LEKR1: variants seen among roughly 807,000 people sequenced by gnomAD.
The protein encoded by LEKR1 is leucine, glutamate and lysine rich 1.
LEKR1 carries 59 observed loss-of-function variants against 72.4 expected under a neutral mutation model. That is an observed-to-expected ratio of 0.82 (90% CI 0.66 to 1.01). The LOEUF is 1.01. LEKR1 is among the 50% of genes least tolerant of loss of function. The pLI is 0.00. For missense variants in LEKR1, 728 were observed against 759.2 expected (o/e 0.96, Z 0.48); for synonymous variants, 257 against 263.2 (o/e 0.98, Z 0.23).
chr3:156,833,322 C>T (rs1712680170), intron 2 of LEKR1, among the ~76,000 whole-genome samples: 1 of 152,102 alleles, frequency 6.6e-6, no homozygotes, highest in Non-Finnish European at 1.5e-5. Context: ...CATTCAAGAG[C>T]ACCTGTTAGA....
intron 5 of LEKR1, among the ~76,000 whole-genome samples, chr3:156,936,426 A>AACACACACACACACACAC (rs561039357): frequency 1.3e-5 from 1 of 76,936 alleles, no homozygotes; most frequent in African/African-American, 9.3e-5. Flanking sequence ...GTACAATGAG[A>AACACACACACACACACAC]ACACACACAC....
At chr3:156,981,914 C>T (rs930870127) in intron 7 of LEKR1, among the ~76,000 whole-genome samples, 1 of 152,180 alleles carries the variant, frequency 6.6e-6, no homozygotes, top group African/African-American at 2.4e-5. Context: ...AGGTTTCTTC[C>T]ATTTTTAATC....
At chr3:157,036,512 T>G (rs1195591549) in intron 12 of LEKR1, among the ~76,000 whole-genome samples, 2 of 152,174 alleles carry the variant, frequency 1.3e-5, no homozygotes, top group Non-Finnish European at 2.9e-5. Context: ...CGCAGATATT[T>G]TCAGACTTAA....
chr3:157,029,200 C>T (rs1358447338), intron 12 of LEKR1, among the ~76,000 whole-genome samples: 1 of 152,016 alleles, frequency 6.6e-6, no homozygotes, highest in African/African-American at 2.4e-5. Context: ...ATTAAATATG[C>T]CATGGTCTTG....
intron 2 of LEKR1, among the ~76,000 whole-genome samples, chr3:156,838,705 C>T (rs1013284657): frequency 6.6e-6 from 1 of 152,218 alleles, no homozygotes; most frequent in Non-Finnish European, 1.5e-5. Context: ...TGGGCAAGGA[C>T]AGCACCAGAC....
rs1321070823 is a variant in LEKR1 at position 157,024,780 on chromosome 3, G to A, written c.1224G>A (p.Lys408=). The change falls in exon 11 of 13, where the codon AAG becomes AAA. Residue 408 remains lysine, a synonymous_variant. Transcript: ENST00000356539. ...TCTAGATTGAAGCAGAACTTGCCAA[G>A]GAAAGGGCCCAACACTTGGTTGAAT... ...WKEKIEAELA[K]ERAQHLVEFE... 2.5e-6 allele frequency: 4 copies of A among 1,606,532 alleles called. No individual in the cohort carries two copies. Among genetic ancestry groups the A allele is most frequent in the Admixed American group, 1.7e-5 (1 of 58,134 alleles).
chr3:156,889,732 TC>T (rs1401613373), intron 3 of LEKR1, among the ~76,000 whole-genome samples: 1 of 152,256 alleles, frequency 6.6e-6, no homozygotes, highest in Non-Finnish European at 1.5e-5. Flanking sequence ...AACTTCTTTT[TC>T]TTGGTAATGT....
chr3:156,960,227 T>C (rs1370555761), intron 6 of LEKR1, among the ~76,000 whole-genome samples: 1 of 152,230 alleles, frequency 6.6e-6, no homozygotes, highest in Non-Finnish European at 1.5e-5. Context: ...CTTGTTTCCT[T>C]GTAAATCACC....
intron 2 of LEKR1, among the ~76,000 whole-genome samples, chr3:156,845,683 C>T (rs1393962806): frequency 2.0e-5 from 3 of 152,062 alleles, no homozygotes; most frequent in African/African-American, 7.2e-5. Flanking sequence ...TTCCATTGAT[C>T]TATGTGTCCT....
chr3:157,032,518 T>C (rs1734689474), intron 12 of LEKR1, among the ~76,000 whole-genome samples: 1 of 152,114 alleles, frequency 6.6e-6, no homozygotes, highest in South Asian at 2.1e-4. Flanking sequence ...AGTCAATTAA[T>C]AAAAAGTGAA....
chr3:156,915,743 G>A (rs1248894997), intron 3 of LEKR1, among the ~76,000 whole-genome samples: 3 of 151,994 alleles, frequency 2.0e-5, no homozygotes, highest in Non-Finnish European at 4.4e-5. Flanking sequence ...TTCTTTTGGT[G>A]TGCAGAAGCT....
chr3:156,898,619 C>T (rs998031869), intron 3 of LEKR1, among the ~76,000 whole-genome samples: 3 of 151,898 alleles, frequency 2.0e-5, no homozygotes, highest in Non-Finnish European at 2.9e-5. Context: ...TACAGCCACC[C>T]GGATGGACTA....
chr3:156,869,485 A>G (rs1003409593), intron 3 of LEKR1, among the ~76,000 whole-genome samples: 2 of 151,910 alleles, frequency 1.3e-5, no homozygotes, highest in Non-Finnish European at 2.9e-5. Context: ...CCTGTTATCT[A>G]TTTGTATGTC....
intron 3 of LEKR1, among the ~76,000 whole-genome samples, chr3:156,882,537 C>G (rs1719518840): frequency 6.6e-6 from 1 of 152,016 alleles, no homozygotes; most frequent in Non-Finnish European, 1.5e-5. Context: ...AATAGGAACA[C>G]TTTTACACTG....
At chr3:156,943,556 A>G (rs1447346237) in intron 6 of LEKR1, among the ~76,000 whole-genome samples, 1 of 151,916 alleles carries the variant, frequency 6.6e-6, no homozygotes, top group East Asian at 1.9e-4. Flanking sequence ...GAGTAAAAGC[A>G]AAACCGGTTG....
chr3:156,935,522 A>G (rs1725614073), intron 5 of LEKR1, among the ~76,000 whole-genome samples: 1 of 152,224 alleles, frequency 6.6e-6, no homozygotes, highest in African/African-American at 2.4e-5. Context: ...CAGCAATCCT[A>G]ATAGCTATAT....
At chr3:156,918,754 T>C (rs1723899273) in intron 3 of LEKR1, among the ~76,000 whole-genome samples, 1 of 152,148 alleles carries the variant, frequency 6.6e-6, no homozygotes, top group South Asian at 2.1e-4. Flanking sequence ...AGGTAAATAC[T>C]AGGAGAAACA....
intron 7 of LEKR1, among the ~76,000 whole-genome samples, chr3:156,992,375 C>T (rs541842108): frequency 6.6e-6 from 1 of 152,318 alleles, no homozygotes; most frequent in South Asian, 2.1e-4. Flanking sequence ...CTTTTAGTCA[C>T]TTTCCAATAC....
At chr3:157,039,842 A>G (rs1735226259) in intron 12 of LEKR1, among the ~76,000 whole-genome samples, 1 of 152,244 alleles carries the variant, frequency 6.6e-6, no homozygotes, top group African/African-American at 2.4e-5. Flanking sequence ...GAGAATGGAG[A>G]AGCCAAAGTA....
Sources: gnomAD v4.1 joint callset for allele counts (sites outside exome capture counted in the v4.1 genomes callset) on GRCh38, gnomAD v4.1.1 for gene constraint, MANE v1.5 for transcripts, NCBI Gene and HGNC (gene_info 2026-07-23, HGNC 2026-07-21) for gene names.